The following F13A1 variants were observed in gnomAD, a reference collection of about 807,000 sequenced individuals.
F13A1 encodes FSF, A subunit.
Under a neutral mutation model 80.1 loss-of-function variants are expected in F13A1, and 47 were observed. The ratio of observed to expected loss-of-function variants is 0.59; its 90% CI spans 0.46 to 0.75. The LOEUF (loss-of-function observed/expected upper bound fraction) is 0.75, where lower values mean the gene tolerates loss of function less well. Ranked by LOEUF, F13A1 falls within the 30% of genes least tolerant of loss-of-function variation. The probability of loss-of-function intolerance (pLI) is 0.00; values close to 1 mark genes in which losing one functional copy is unlikely to be tolerated. For synonymous variants in F13A1, 349 were observed against 344.9 expected, an observed-to-expected ratio of 1.01 and a Z score of -0.13; for missense variants, 817 against 930.4, an observed-to-expected ratio of 0.88 and a Z score of 1.59.
intron 3 of F13A1, among the ~76,000 whole-genome samples, chr6:6,276,067 C>T (rs1371580999): frequency 6.6e-6 from 1 of 152,186 alleles, no homozygotes; most frequent in African/African-American, 2.4e-5. Context: ...TTCCTGTTGT[C>T]CATTCGGGAA....
At chr6:6,221,811 T>C (rs578135197) in intron 8 of F13A1, among the ~76,000 whole-genome samples, 1 of 152,312 alleles carries the variant, frequency 6.6e-6, no homozygotes, top group East Asian at 1.9e-4. Flanking sequence ...GTGGTTGCTA[T>C]TATAAGGAAT....
At position 6,167,470 on chromosome 6, in the gene F13A1, C is replaced by A. The variant is rs1428649047; in HGVS notation, c.1896G>T (p.Glu632Asp). ...CGCTAAGACTGACCTTGATGATGAT[C>A]TCAGGGATGGTTAGCACGGTGGACT... The part of the protein sequence containing the change: ...KQKSTVLTIP[E>D]IIIKVRGTQV... The change falls in exon 13 of 15, where the codon GAG becomes GAT. Residue 632 changes from glutamate (E) to aspartate (D), a missense_variant. Glu to Asp is a conservative substitution (Grantham distance 45). Transcript: ENST00000264870. 2 of 1,613,944 alleles carry A rather than the reference C, an allele frequency of 1.2e-6. No individual in the cohort carries two copies. The highest frequency in any genetic ancestry group is 1.7e-6 in the Non-Finnish European group (2 of 1,180,000).
At chr6:6,182,210 A>T in intron 10 of F13A1, 69 bp from the exon 11 acceptor site, 1 of 1,561,218 alleles carries the variant, frequency 6.4e-7, no homozygotes, top group Non-Finnish European at 8.8e-7. Context: ...TTAACTGTCC[A>T]TAGAGCAGTC....
At chr6:6,307,079 G>A (rs1758522914) in intron 2 of F13A1, among the ~76,000 whole-genome samples, 1 of 152,148 alleles carries the variant, frequency 6.6e-6, no homozygotes, top group Admixed American at 6.5e-5. Context: ...ATTTTAAAAT[G>A]AGGATACTAA....
chr6:6,180,530 T>G (rs1760961314), intron 11 of F13A1, among the ~76,000 whole-genome samples: 1 of 152,242 alleles, frequency 6.6e-6, no homozygotes, highest in Non-Finnish European at 1.5e-5. Flanking sequence ...TGCTTTTTTG[T>G]TTCTCCAAAC....
At chr6:6,293,826 A>G (rs9504743) in intron 3 of F13A1, among the ~76,000 whole-genome samples, 5,710 of 56,806 alleles carry the variant, frequency 0.1, 665 homozygotes, top group African/African-American at 0.37. Context: ...AGGGAGGGAG[A>G]GAAGGAAATT....
chr6:6,205,381 A>G (rs1761468223), intron 8 of F13A1, among the ~76,000 whole-genome samples: 1 of 152,180 alleles, frequency 6.6e-6, no homozygotes, highest in African/African-American at 2.4e-5. Context: ...GGATGTTGCA[A>G]CCCATCGGAA....
At chr6:6,177,027 G>A (rs560408666) in intron 11 of F13A1, among the ~76,000 whole-genome samples, 12 of 152,300 alleles carry the variant, frequency 7.9e-5, no homozygotes, top group South Asian at 2.1e-4. Context: ...ACAACTGCAC[G>A]GCTTTCCCAG....
chr6:6,248,445 G>T (rs1352447274), intron 5 of F13A1, 26 bp from the exon 6 acceptor site: 6 of 1,584,630 alleles, frequency 3.8e-6, no homozygotes, highest in Non-Finnish European at 5.2e-6. Flanking sequence ...AAAACAAAGA[G>T]AAACTAGTGT....
Position 6,300,299 on chromosome 6 carries a change from CAG to C in F13A1, c.319+5050_319+5051del, listed in dbSNP as rs1583119732. The stretch of plus-strand genomic sequence containing the variant: ...TTCGAGCTTCCAGGCTGCTTTGTTT[CAG>C]TAAGCAAGCCTGGGCAATGGCGGGC... On this transcript the variant is annotated intron_variant, in intron 3 of 14. Transcript: ENST00000264870. Among the ~76,000 whole-genome samples, 11 of 148,098 alleles carry C rather than the reference CAG, an allele frequency of 7.4e-5. No homozygotes were observed. In the East Asian group the frequency reaches 1.8e-3, roughly 24 times the overall value.
intron 8 of F13A1, among the ~76,000 whole-genome samples, chr6:6,211,491 C>G (rs535060279): frequency 6.6e-6 from 1 of 152,326 alleles, no homozygotes; most frequent in African/African-American, 2.4e-5. Context: ...CATCTTTAAG[C>G]AATTTGGTCT....
Position 6,243,835 on chromosome 6 carries a change from A to T in F13A1, c.798+4477T>A, listed in dbSNP as rs765338800. Among the ~76,000 whole-genome samples, 1 of 152,174 alleles carries T rather than the reference A, an allele frequency of 6.6e-6. No homozygotes were observed. Among genetic ancestry groups the T allele is most frequent in the Non-Finnish European group, 1.5e-5 (1 of 68,026 alleles). On this transcript the variant is annotated intron_variant, in intron 6 of 14. Transcript: ENST00000264870. This position sits in a 1 kb window ranked among gnomAD's most constrained non-coding sequence, Gnocchi z 4.2. ...CCTTGACCCACTGGAGCAAATATGG[A>T]TGGAGGTGGTACATGTAGGTGTGTC...
chr6:6,300,939 G>C (rs892671366), intron 3 of F13A1, among the ~76,000 whole-genome samples: 1 of 152,052 alleles, frequency 6.6e-6, no homozygotes, highest in Non-Finnish European at 1.5e-5. Context: ...TCTTGAAATG[G>C]TGTTGCCAGA....
At chr6:6,241,993 G>A (rs1757489432) in intron 6 of F13A1, among the ~76,000 whole-genome samples, 2 of 152,148 alleles carry the variant, frequency 1.3e-5, no homozygotes, top group South Asian at 4.1e-4. Flanking sequence ...ACCCCTTGAG[G>A]AGCTGCTTGG....
chr6:6,212,004 C>A (rs1761624058), intron 8 of F13A1, among the ~76,000 whole-genome samples: 2 of 152,254 alleles, frequency 1.3e-5, no homozygotes, highest in South Asian at 2.1e-4. Context: ...GAGATTATAT[C>A]CCGCACCTGG....
intron 8 of F13A1, among the ~76,000 whole-genome samples, chr6:6,197,592 C>G (rs774904343): frequency 1.7e-4 from 26 of 151,716 alleles, no homozygotes; most frequent in Non-Finnish European, 2.6e-4. Context: ...GCAGGAGAAT[C>G]GCTTGAATCT....
At position 6,206,649 on chromosome 6, in the gene F13A1, A is replaced by C. The variant is rs150036311; in HGVS notation, c.1113-9323T>G. On this transcript the variant is annotated intron_variant, in intron 8 of 14. Coordinates refer to ENST00000264870, the MANE Select transcript of F13A1 (RefSeq NM_000129.4). The stretch of plus-strand genomic sequence containing the variant: ...TGTAGGGCAGTGATTTCCAACCTTC[A>C]AAGAGCAATGCCCCCTTCTTGTTTT... 2,380 of 456,620 alleles carry C rather than the reference A, an allele frequency of 5.2e-3. 23 individuals are homozygous for C. Among genetic ancestry groups the C allele is most frequent in the South Asian group, 9.2e-3 (567 of 61,500 alleles). 28.3% of individuals were successfully genotyped at this position (456,620 alleles called of 1,614,324 possible).
intron 6 of F13A1, among the ~76,000 whole-genome samples, chr6:6,238,402 T>C (rs528820767): frequency 2.6e-5 from 4 of 151,974 alleles, no homozygotes; most frequent in Non-Finnish European, 5.9e-5. Context: ...ATTATAAAGC[T>C]TCAAAAATAA....
At chr6:6,271,061 A>C (rs1334170279) in intron 3 of F13A1, among the ~76,000 whole-genome samples, 1 of 146,626 alleles carries the variant, frequency 6.8e-6, no homozygotes, top group Non-Finnish European at 1.5e-5. Context: ...AGGTTATGGA[A>C]GCGTTATCAG....
Sources: gnomAD v4.1 joint callset for allele counts (sites outside exome capture counted in the v4.1 genomes callset) on GRCh38, gnomAD v4.1.1 for gene constraint, Gnocchi (gnomAD v3.1) non-coding constraint, MANE v1.5 for transcripts, NCBI Gene and HGNC (gene_info 2026-07-23, HGNC 2026-07-21) for gene names.